The following AGBL1 variants were observed in gnomAD, a reference collection of about 807,000 sequenced individuals.
AGBL1 encodes AGBL carboxypeptidase 1, also known as cytosolic carboxypeptidase 4.
AGBL1 carries 130 observed loss-of-function variants against 118.9 expected under a neutral mutation model. The observed-to-expected ratio is 1.09, with a 90% confidence interval of 0.95 to 1.26. AGBL1 has a LOEUF of 1.26. Among genes scored for constraint, AGBL1 ranks in the 50% most tolerant of loss-of-function variants. The pLI, the probability that AGBL1 is intolerant of heterozygous loss-of-function variation, is 0.00. For missense variants in AGBL1, 1,584 were observed against 1,298.1 expected (o/e 1.22, Z -3.38); for synonymous variants, 555 against 478.9 (o/e 1.16, Z -2.08).
chr15:86,479,306 TG>T (rs1336372542), intron 18 of AGBL1, among the ~76,000 whole-genome samples: 2 of 152,096 alleles, frequency 1.3e-5, no homozygotes, highest in Admixed American at 6.5e-5. Flanking sequence ...ACCTACAGAA[TG>T]GGAGAAAAAT....
chr15:86,092,028 T>C (rs933609718), intron 1 of AGBL1, among the ~76,000 whole-genome samples: 4 of 152,210 alleles, frequency 2.6e-5, no homozygotes, highest in Non-Finnish European at 5.9e-5. Flanking sequence ...TCTTGAATCA[T>C]CTATGATTTA....
chr15:86,154,634 G>T (rs2077164017), intron 4 of AGBL1, 73 bp downstream of exon 4: 3 of 1,502,980 alleles, frequency 2.0e-6, no homozygotes, highest in East Asian at 4.7e-5. Flanking sequence ...CTGCATGAGG[G>T]TCTGGTTGGA....
chr15:86,108,304 T>C (rs1049924319), intron 1 of AGBL1, among the ~76,000 whole-genome samples: 2 of 152,224 alleles, frequency 1.3e-5, no homozygotes, highest in Admixed American at 1.3e-4. Context: ...GGTGAGATGA[T>C]TTTGAGTGTC....
chr15:86,694,542 C>T (rs953598068), intron 22 of AGBL1, among the ~76,000 whole-genome samples: 5 of 151,980 alleles, frequency 3.3e-5, no homozygotes, highest in African/African-American at 1.2e-4. Flanking sequence ...CATCAGCAAA[C>T]AGCAATAGTT....
chr15:86,706,681 G>C (rs145013414), intron 22 of AGBL1, among the ~76,000 whole-genome samples: 3 of 152,244 alleles, frequency 2.0e-5, no homozygotes, highest in African/African-American at 7.2e-5. Context: ...ACACCATGCT[G>C]TTCTCCTTAC....
chr15:86,694,973 A>G (rs1039866962), intron 22 of AGBL1, among the ~76,000 whole-genome samples: 1 of 152,042 alleles, frequency 6.6e-6, no homozygotes, highest in Non-Finnish European at 1.5e-5. Flanking sequence ...TATCTTTTTA[A>G]TATGCTGTTG....
At chr15:86,297,925 C>T (rs186917661) in intron 17 of AGBL1, among the ~76,000 whole-genome samples, 12 of 152,182 alleles carry the variant, frequency 7.9e-5, no homozygotes, top group Admixed American at 7.9e-4. Flanking sequence ...CTCTCTTCCT[C>T]ATTCTGTCCT....
chr15:86,843,586 C>T (rs1490822796), intron 22 of AGBL1, among the ~76,000 whole-genome samples: 1 of 152,046 alleles, frequency 6.6e-6, no homozygotes, highest in Non-Finnish European at 1.5e-5. Context: ...ACATTGTCCC[C>T]CAGGCAGGGA....
intron 18 of AGBL1, among the ~76,000 whole-genome samples, chr15:86,404,760 G>T (rs1334964706): frequency 2.0e-5 from 3 of 152,306 alleles, no homozygotes; most frequent in Admixed American, 2.0e-4. Context: ...GTGATGCTGG[G>T]CCTGTAGATC....
chr15:86,121,311 T>A (rs1898081650), intron 1 of AGBL1, among the ~76,000 whole-genome samples: 1 of 152,230 alleles, frequency 6.6e-6, no homozygotes, highest in Non-Finnish European at 1.5e-5. Flanking sequence ...ACTATTAATA[T>A]CTACTTTCCC....
intron 23 of AGBL1, among the ~76,000 whole-genome samples, chr15:86,964,718 A>G (rs1032185873): frequency 6.6e-6 from 1 of 151,754 alleles, no homozygotes; most frequent in Non-Finnish European, 1.5e-5. Flanking sequence ...TACACGTGCA[A>G]TGGTGTTTTG....
chr15:86,554,567 T>C (rs746643909), intron 21 of AGBL1, 30 bp downstream of exon 21: 9 of 1,435,852 alleles, frequency 6.3e-6, no homozygotes, highest in Non-Finnish European at 8.2e-6. Flanking sequence ...ACCCATACTT[T>C]CTGTCCAGCA....
intron 23 of AGBL1, among the ~76,000 whole-genome samples, chr15:86,970,062 G>A (rs1007560797): frequency 3.3e-5 from 5 of 151,778 alleles, no homozygotes; most frequent in African/African-American, 1.2e-4. Context: ...AAGACTAAAA[G>A]GTAAAGGCAT....
At chr15:86,413,629 G>A (rs1163260864) in intron 18 of AGBL1, among the ~76,000 whole-genome samples, 1 of 152,014 alleles carries the variant, frequency 6.6e-6, no homozygotes, top group Non-Finnish European at 1.5e-5. Flanking sequence ...AATTAGTGGT[G>A]TTGGGTATTT....
At position 86,215,215 on chromosome 15, in the gene AGBL1, A is replaced by ATGTGTGTGTGTGTG. The variant is rs1457494719; in HGVS notation, c.489-9698_489-9697insGTGTGTGTGTGTGT. ...TGGCTCTGTGTGTGTGTGTGAGTGTATATGTATGCGTGTGTGTGTGTGTGT... is the reference window on the plus strand; with the variant it reads ...TGGCTCTGTGTGTGTGTGTGAGTGTATGTGTGTGTGTGTGTATGTATGCGTGTGTGTGTGTGTGT... On this transcript the variant is annotated intron_variant, in intron 5 of 22. Transcript: ENST00000614907. 4.9e-5 allele frequency among the ~76,000 whole-genome samples: 6 copies of ATGTGTGTGTGTGTG among 123,076 alleles called. No homozygotes were observed. The South Asian group carries it at 1.8e-3, about 37-fold the overall frequency. 80.7% of individuals were successfully genotyped at this position (123,076 alleles called of 152,430 possible). A position where few individuals can be genotyped will look rare whatever the true frequency, so the allele number is the denominator to read the frequency against.
intron 5 of AGBL1, among the ~76,000 whole-genome samples, chr15:86,195,912 G>A (rs1398419506): frequency 2.0e-5 from 3 of 152,218 alleles, no homozygotes; most frequent in South Asian, 4.1e-4. Flanking sequence ...CCGTGGGGGC[G>A]TCTTTCAACA....
chr15:86,976,785 C>A (rs940075162), intron 23 of AGBL1, among the ~76,000 whole-genome samples: 1 of 151,848 alleles, frequency 6.6e-6, no homozygotes, highest in African/African-American at 2.4e-5. Flanking sequence ...TATACATAAA[C>A]ACAGATAGAT....
intron 23 of AGBL1, among the ~76,000 whole-genome samples, chr15:86,945,624 G>C (rs1046489244): frequency 2.6e-5 from 4 of 152,204 alleles, no homozygotes; most frequent in Admixed American, 2.6e-4. Flanking sequence ...AGTGAGCTGA[G>C]ATTGTGCCAC....
At chr15:86,399,065 T>C (rs1422376163) in intron 18 of AGBL1, among the ~76,000 whole-genome samples, 2 of 152,170 alleles carry the variant, frequency 1.3e-5, no homozygotes, top group African/African-American at 4.8e-5. Context: ...CTTCTCTTTC[T>C]CTGTGGTGAC....
Sources: allele counts gnomAD v4.1 joint callset (sites outside exome capture counted in the v4.1 genomes callset), GRCh38; gene constraint gnomAD v4.1.1; transcripts MANE v1.5; gene names NCBI Gene and HGNC (gene_info 2026-07-23, HGNC 2026-07-21).